NEK1: variants seen among roughly 807,000 people sequenced by gnomAD.
The protein encoded by NEK1 is serine/threonine-protein kinase Nek1.
In NEK1, 137 loss-of-function variants were observed where a neutral mutation model predicts 182.1. That is an observed-to-expected ratio of 0.75 (90% CI 0.65 to 0.87). The LOEUF (loss-of-function observed/expected upper bound fraction) is 0.87, where lower values mean the gene tolerates loss of function less well. NEK1 is among the 40% of genes least tolerant of loss of function. The pLI is 0.00. For synonymous variants in NEK1, 513 were observed against 492.2 expected (o/e 1.04, Z -0.56); for missense variants, 1,391 against 1,494.4 (o/e 0.93, Z 1.14).
chr4:169,599,257 T>G, intron 4 of NEK1, 60 bp from the exon 5 acceptor site: 1 of 1,192,828 alleles, frequency 8.4e-7, no homozygotes, highest in South Asian at 1.4e-5. Flanking sequence ...CATGGCTAAA[T>G]TAAAAGTACT....
At chr4:169,394,782 T>C (rs763738783) in intron 35 of NEK1, among the ~76,000 whole-genome samples, 5 of 152,228 alleles carry the variant, frequency 3.3e-5, no homozygotes, top group Admixed American at 2.0e-4. Flanking sequence ...TTCCTATGCA[T>C]ACACAAATAT....
At chr4:169,501,687 A>C (rs1201739027) in intron 23 of NEK1, among the ~76,000 whole-genome samples, 1 of 152,178 alleles carries the variant, frequency 6.6e-6, no homozygotes, top group East Asian at 1.9e-4. Context: ...GATATTTAAA[A>C]AAATTTTTGA....
chr4:169,501,627 G>C (rs1351120683), intron 23 of NEK1, among the ~76,000 whole-genome samples: 3 of 152,062 alleles, frequency 2.0e-5, no homozygotes, highest in Admixed American at 2.0e-4. Flanking sequence ...TACATGGAAA[G>C]TAAACAACCT....
At chr4:169,410,943 T>A (rs954847238) in intron 31 of NEK1, among the ~76,000 whole-genome samples, 1 of 152,180 alleles carries the variant, frequency 6.6e-6, no homozygotes, top group Non-Finnish European at 1.5e-5. Flanking sequence ...GCACTGACAG[T>A]AAAGTGTGTG....
At chr4:169,588,756 T>C (rs965292216) in intron 7 of NEK1, 21 bp from the exon 8 acceptor site, 4 of 1,440,018 alleles carry the variant, frequency 2.8e-6, no homozygotes, top group African/African-American at 2.8e-5. Context: ...AATAAAATTA[T>C]TGGAGAAGTT....
chr4:169,602,286 G>A (rs1206450946), intron 3 of NEK1, among the ~76,000 whole-genome samples, 182 bp from the exon 4 acceptor site: 1 of 152,114 alleles, frequency 6.6e-6, no homozygotes, highest in Non-Finnish European at 1.5e-5. Flanking sequence ...GTCCAAACTA[G>A]ATTAGGTTAC....
At chr4:169,556,776 T>C (rs192793725) in intron 16 of NEK1, among the ~76,000 whole-genome samples, 1 of 151,080 alleles carries the variant, frequency 6.6e-6, no homozygotes, top group African/African-American at 2.4e-5. Flanking sequence ...AATCCTTATT[T>C]AGAAAAAAGG....
At chr4:169,541,675 G>T (rs1203054145) in intron 18 of NEK1, among the ~76,000 whole-genome samples, 1 of 152,136 alleles carries the variant, frequency 6.6e-6, no homozygotes, top group Non-Finnish European at 1.5e-5. Flanking sequence ...CAGAGAAAAT[G>T]TCCTATAATG....
chr4:169,538,329 C>CA (rs1352414013), intron 18 of NEK1, among the ~76,000 whole-genome samples: 1 of 151,364 alleles, frequency 6.6e-6, no homozygotes, highest in East Asian at 1.9e-4. Flanking sequence ...AAAAAATTAA[C>CA]AAAAAGAACA....
At chr4:169,500,632 A>G (rs1752261727) in intron 23 of NEK1, among the ~76,000 whole-genome samples, 1 of 152,226 alleles carries the variant, frequency 6.6e-6, no homozygotes, top group Non-Finnish European at 1.5e-5. Context: ...AAGAAATGCC[A>G]GCCAAGAATT....
At chr4:169,457,029 A>G (rs910133045) in intron 27 of NEK1, among the ~76,000 whole-genome samples, 1 of 152,162 alleles carries the variant, frequency 6.6e-6, no homozygotes, top group Non-Finnish European at 1.5e-5. Context: ...ATGGTGATAA[A>G]GAGAGCAGAA....
intron 4 of NEK1, 61 bp downstream of exon 4, chr4:169,601,947 T>C (rs894522214): frequency 1.7e-6 from 2 of 1,205,052 alleles, no homozygotes; most frequent in Non-Finnish European, 1.2e-6. Flanking sequence ...TAAGAATGCA[T>C]TCACAAAAAG....
intron 19 of NEK1, among the ~76,000 whole-genome samples, chr4:169,513,667 C>A (rs1019476966): frequency 1.3e-5 from 2 of 152,176 alleles, no homozygotes; most frequent in Non-Finnish European, 2.9e-5. Context: ...ATCCTTCAGT[C>A]TTCTACCTGT....
intron 26 of NEK1, among the ~76,000 whole-genome samples, chr4:169,466,485 G>A (rs1256986444): frequency 6.6e-6 from 1 of 151,962 alleles, no homozygotes; most frequent in Non-Finnish European, 1.5e-5. Context: ...CAAGTAATGT[G>A]CATAAGATGA....
chr4:169,518,706 T>C (rs1580410083), intron 19 of NEK1, among the ~76,000 whole-genome samples: 2 of 88,078 alleles, frequency 2.3e-5, no homozygotes, highest in East Asian at 6.5e-4. Context: ...GTATGTGGTG[T>C]CTTTGTTCTC....
chr4:169,433,991 AT>A (rs1737910405), intron 28 of NEK1, among the ~76,000 whole-genome samples: 2 of 152,278 alleles, frequency 1.3e-5, no homozygotes, highest in South Asian at 4.1e-4. Flanking sequence ...TAGGGAAGGT[AT>A]AAAAACAGTT....
At position 169,599,653 on chromosome 4, in the gene NEK1, T is replaced by C. The variant is rs554717169; in HGVS notation, c.215-456A>G. ...TCACTTACTTATTAAATAAATAAAA[T>C]AATAAGTGTTGTGATAAACTCTGAG... On this transcript the variant is annotated intron_variant, in intron 4 of 35. Transcript: ENST00000507142. 7.3e-5 allele frequency among the ~76,000 whole-genome samples: 11 copies of C among 151,254 alleles called. No homozygotes were observed. The East Asian group carries it at 1.7e-3, about 24-fold the overall frequency.
At chr4:169,611,133 C>T (rs1251845773) in intron 2 of NEK1, among the ~76,000 whole-genome samples, 2 of 152,078 alleles carry the variant, frequency 1.3e-5, no homozygotes, top group Non-Finnish European at 2.9e-5. Flanking sequence ...ATGACTTAGA[C>T]TAGAAGGCAG....
intron 27 of NEK1, among the ~76,000 whole-genome samples, chr4:169,449,430 T>C (rs2149460633): frequency 6.6e-6 from 1 of 152,200 alleles, no homozygotes; most frequent in South Asian, 2.1e-4. Flanking sequence ...CTCATATAGG[T>C]GGCTGCCACT....
Sources: gnomAD v4.1 joint callset for allele counts (sites outside exome capture counted in the v4.1 genomes callset) on GRCh38, gnomAD v4.1.1 for gene constraint, MANE v1.5 for transcripts, NCBI Gene and HGNC (gene_info 2026-07-23, HGNC 2026-07-21) for gene names.